Variants in CCDC102A observed in about 807,000 individuals in gnomAD.
CCDC102A encodes the protein coiled-coil domain-containing protein 102A.
CCDC102A carries 40 observed loss-of-function variants against 55.5 expected under a neutral mutation model. The ratio of observed to expected loss-of-function variants is 0.72; its 90% CI spans 0.56 to 0.94. The LOEUF (loss-of-function observed/expected upper bound fraction) is 0.94, where lower values mean the gene tolerates loss of function less well. Ranked by LOEUF, CCDC102A falls within the 40% of genes least tolerant of loss-of-function variation. The pLI, the probability that CCDC102A is intolerant of heterozygous loss-of-function variation, is 0.00. For synonymous variants in CCDC102A, 323 were observed against 339.0 expected (o/e 0.95, Z 0.52); for missense variants, 779 against 768.6 (o/e 1.01, Z -0.16).
In CCDC102A at chr16:57,518,229, G is replaced by A. The variant is rs201796906; in HGVS notation, c.1087C>T (p.Arg363Trp). The stretch of plus-strand genomic sequence containing the variant: ...AGGCCCAGTTTCTCTGTCTCCAGCC[G>A]CTCCCGGCGGCCCCACTCCGCAGCG... ...ENAAEWGRRERLETEKLGLER... is the reference protein window; with the variant it reads ...ENAAEWGRREWLETEKLGLER... Residue 363 changes from arginine to tryptophan, a missense_variant, in exon 6 of 9, where the codon CGG (arginine) becomes TGG (tryptophan). Transcript: ENST00000258214. 1.1e-4 allele frequency: 179 copies of A among 1,611,680 alleles called. No individual in the cohort carries two copies. Among genetic ancestry groups the A allele is most frequent in the Non-Finnish European group, 4.2e-5 (49 of 1,179,926 alleles).
chr16:57,518,890 C>T (rs191997711), intron 4 of CCDC102A, 149 bp from the exon 5 acceptor site: 23 of 625,830 alleles, frequency 3.7e-5, no homozygotes, highest in Non-Finnish European at 5.8e-5. Context: ...AAACAGACCT[C>T]GAATCTGACC....
At chr16:57,515,242 TC>T (rs2031932739) in intron 8 of CCDC102A, 98 bp downstream of exon 8, 4 of 770,644 alleles carry the variant, frequency 5.2e-6, no homozygotes, top group Non-Finnish European at 8.9e-6. Flanking sequence ...ATCTCTTCCT[TC>T]GTCTCCCCCT....
Position 57,529,158 on chromosome 16 carries a change from G to T in CCDC102A, c.20C>A (p.Pro7His). 5.1e-6 allele frequency: 6 copies of T among 1,184,832 alleles called. No individual in the cohort carries two copies. Among genetic ancestry groups the T allele is most frequent in the Non-Finnish European group, 5.2e-6 (5 of 957,260 alleles). The allele number at this position is 1,184,832 out of a possible 1,614,324, so 73.4% of individuals were successfully genotyped here. A position where few individuals can be genotyped will look rare whatever the true frequency, so the allele number is the denominator to read the frequency against. The change falls in exon 2 of 9, where the codon CCC becomes CAC. Residue 7 changes from proline to histidine, a missense_variant. Pro to His is a moderately conservative substitution (Grantham distance 77). Transcript: ENST00000258214. This position sits in a 1 kb window ranked among gnomAD's most constrained non-coding sequence, Gnocchi z 4.1. Reference sequence around the variant, plus strand: ...CAGCTGCGGGGACTCGGCCAGCCGGGGGCTGGGCCCGTGGCTCATGGTGCG... The same window carrying T: ...CAGCTGCGGGGACTCGGCCAGCCGGTGGCTGGGCCCGTGGCTCATGGTGCG... MSHGPS[P>H]RLAESPQLSK... is the part of the protein sequence containing the mutation.
intron 1 of CCDC102A, among the ~76,000 whole-genome samples, chr16:57,534,321 C>G (rs1470715300): frequency 1.3e-5 from 2 of 152,236 alleles, no homozygotes; most frequent in African/African-American, 4.8e-5. Flanking sequence ...CAGCTGTGCT[C>G]ACTGGTAGCT....
At chr16:57,519,684 C>T (rs2063292093) in intron 4 of CCDC102A, among the ~76,000 whole-genome samples, 1 of 152,226 alleles carries the variant, frequency 6.6e-6, no homozygotes, top group African/African-American at 2.4e-5. Flanking sequence ...GTTTCATTCG[C>T]TTTTCTTCGA....
In CCDC102A at chr16:57,515,441, C is replaced by T; in HGVS notation, c.1423G>A (p.Asp475Asn). The change falls in exon 8 of 9, where the codon GAC (aspartate) becomes AAC (asparagine). Residue 475 changes from aspartate to asparagine, a missense_variant. Coordinates refer to ENST00000258214, the MANE Select transcript of CCDC102A (RefSeq NM_033212.4). ...KELAQAEDEL[D>N]EAHNQARKLQ... Reference sequence around the variant, plus strand: ...TTACGTGCCTGGTTGTGGGCCTCGTCCAGCTGTGGGGGTGAGCAGGGCCGA... The same window carrying T: ...TTACGTGCCTGGTTGTGGGCCTCGTTCAGCTGTGGGGGTGAGCAGGGCCGA... 4 of 1,600,022 alleles carry T rather than the reference C, an allele frequency of 2.5e-6. No homozygotes were observed. Among genetic ancestry groups the T allele is most frequent in the Non-Finnish European group, 3.4e-6 (4 of 1,175,144 alleles).
In CCDC102A at chr16:57,512,578, T is replaced by G; in HGVS notation, c.*163A>C. 1.2e-5 allele frequency: 9 copies of G among 759,474 alleles called. No individual in the cohort carries two copies. Among genetic ancestry groups the G allele is most frequent in the Non-Finnish European group, 1.9e-5 (9 of 471,830 alleles). The allele number at this position is 759,474 out of a possible 1,614,324, so 47.0% of individuals were successfully genotyped here. A position where few individuals can be genotyped will look rare whatever the true frequency, so the allele number is the denominator to read the frequency against. On this transcript the variant is annotated 3_prime_UTR_variant, in exon 9 of 9. Transcript: ENST00000258214. Reference sequence around the variant, plus strand: ...ACATAGGCTTCCTTTCCACAGGGCGTTGGTAGGTGGGACTGTTGACGCCAT... The same window carrying G: ...ACATAGGCTTCCTTTCCACAGGGCGGTGGTAGGTGGGACTGTTGACGCCAT...
In CCDC102A at chr16:57,516,196, A is replaced by G; in HGVS notation, c.1419+97T>C. 1 of 1,276,840 alleles carries G rather than the reference A, an allele frequency of 7.8e-7. No homozygotes were observed. Among genetic ancestry groups the G allele is most frequent in the Non-Finnish European group, 1.1e-6 (1 of 918,112 alleles). 79.1% of individuals were successfully genotyped at this position (1,276,840 alleles called of 1,614,324 possible). A position where few individuals can be genotyped will look rare whatever the true frequency, so the allele number is the denominator to read the frequency against. On this transcript the variant is annotated intron_variant, in intron 7 of 8. Coordinates refer to ENST00000258214, the MANE Select transcript of CCDC102A (RefSeq NM_033212.4). The surrounding 1 kb of genome is among the most constrained non-coding windows in gnomAD (Gnocchi z 4.4). ...CCTGAGAGACAGGCTTGTGCCAGGC[A>G]CCAGGGGCTGAGAATGGAGAAGCCA...
At chr16:57,520,612 A>AAAAT (rs1477584689) in intron 4 of CCDC102A, among the ~76,000 whole-genome samples, 8,127 of 133,752 alleles carry the variant, frequency 0.061, 305 homozygotes, top group Middle Eastern at 0.12. Context: ...TAAAATAAAT[A>AAAAT]AAATAAAATA....
intron 8 of CCDC102A, among the ~76,000 whole-genome samples, chr16:57,514,488 C>A (rs1598069232): frequency 6.6e-6 from 1 of 152,194 alleles, no homozygotes; most frequent in Non-Finnish European, 1.5e-5. Flanking sequence ...GTGTGAGCTA[C>A]CATGCCTCCA....
Position 57,522,108 on chromosome 16 carries a change from G to C in CCDC102A, c.813-932C>G, listed in dbSNP as rs549881985. Among the ~76,000 whole-genome samples the C allele has an allele frequency of 3.3e-5, 5 of 152,348 alleles. No individual in the cohort carries two copies. The East Asian group carries it at 9.6e-4, about 29-fold the overall frequency. On this transcript the variant is annotated intron_variant, in intron 3 of 8. Coordinates refer to ENST00000258214, the MANE Select transcript of CCDC102A (RefSeq NM_033212.4). ...TGCACAGCCCACTGGACATTGCTCG[G>C]GGTAGAGATGATCTGAGCCTACAGC...
Position 57,516,516 on chromosome 16 carries a change from G to A in CCDC102A, c.1249-53C>T. ...GGAGGAGGGAATCAGTATCAGCTTG[G>A]GCGCCATGCCAGGGAGTCCCACGAG... is the stretch of plus-strand genomic sequence containing the variant. On this transcript the variant is annotated intron_variant, in intron 6 of 8. Coordinates refer to ENST00000258214, the MANE Select transcript of CCDC102A (RefSeq NM_033212.4). The surrounding 1 kb of genome is among the most constrained non-coding windows in gnomAD (Gnocchi z 4.4). The A allele has an allele frequency of 1.3e-6, 2 of 1,539,062 alleles. No homozygotes were observed. The highest frequency in any genetic ancestry group is 1.8e-6 in the Non-Finnish European group (2 of 1,128,780).
intron 1 of CCDC102A, among the ~76,000 whole-genome samples, chr16:57,534,615 C>T (rs555872313): frequency 2.6e-5 from 4 of 152,242 alleles, no homozygotes; most frequent in African/African-American, 9.6e-5. Flanking sequence ...AGTCCACGAG[C>T]GAGGGCATCA....
chr16:57,526,278 G>A lies in CCDC102A; in HGVS notation c.586-151C>T, dbSNP rs551251750. Reference sequence around the variant, plus strand: ...GCCTGCCTCTCCATCTCTGGAGAAGGAAGACACACCCTGCTCTGGGCCTCC... The same window carrying A: ...GCCTGCCTCTCCATCTCTGGAGAAGAAAGACACACCCTGCTCTGGGCCTCC... On this transcript the variant is annotated intron_variant, in intron 2 of 8. Coordinates refer to ENST00000258214, the MANE Select transcript of CCDC102A (RefSeq NM_033212.4). 4.5e-4 allele frequency: 279 copies of A among 614,130 alleles called. 1 individual carries two copies. Among genetic ancestry groups the A allele is most frequent in the Middle Eastern group, 2.1e-3 (5 of 2,394 alleles). 38.0% of individuals were successfully genotyped at this position (614,130 alleles called of 1,614,324 possible). A position where few individuals can be genotyped will look rare whatever the true frequency, so the allele number is the denominator to read the frequency against.
Position 57,528,985 on chromosome 16 carries a change from C to A in CCDC102A, c.193G>T (p.Ala65Ser). ...TCGCGGCTCTCCCAGTCGCCGTCGG[C>A]CAGCAGCGCGGGCGCGGGGGGCAGG... The part of the protein sequence containing the change: ...LPLPPAPALL[A>S]DGDWESREEL... The change falls in exon 2 of 9, where the codon GCC becomes TCC. Residue 65 changes from alanine (A) to serine (S), a missense_variant. Ala to Ser is a moderately conservative substitution (Grantham distance 99, BLOSUM62 1). Coordinates refer to ENST00000258214, the MANE Select transcript of CCDC102A (RefSeq NM_033212.4). 8.2e-7 allele frequency: 1 copy of A among 1,212,434 alleles called. No homozygotes were observed. Among genetic ancestry groups the A allele is most frequent in the East Asian group, 4.6e-5 (1 of 21,812 alleles). The allele number at this position is 1,212,434 out of a possible 1,614,324, so 75.1% of individuals were successfully genotyped here.
At position 57,521,437 on chromosome 16, in the gene CCDC102A, C is replaced by A. The variant is rs1194344535; in HGVS notation, c.813-261G>T. On this transcript the variant is annotated intron_variant, in intron 3 of 8. Coordinates refer to ENST00000258214, the MANE Select transcript of CCDC102A (RefSeq NM_033212.4). ...CGGGGTTCCAGAGCACTGAGCATCC[C>A]CGGGCAAGTACCTCTCTCCTGCTGC... is the stretch of plus-strand genomic sequence containing the variant. Among the ~76,000 whole-genome samples, 25 of 152,198 alleles carry A rather than the reference C, an allele frequency of 1.6e-4. 1 individual carries two copies. The highest frequency in any genetic ancestry group is 1.3e-4 in the Non-Finnish European group (9 of 68,040).
chr16:57,518,441 A>G (rs1464853696), intron 5 of CCDC102A, among the ~76,000 whole-genome samples, 164 bp from the exon 6 acceptor site: 1 of 152,196 alleles, frequency 6.6e-6, no homozygotes, highest in Non-Finnish European at 1.5e-5. Flanking sequence ...ACAGGATGTG[A>G]GGGCGCTTCT....
chr16:57,534,385 C>G (rs1388984119), intron 1 of CCDC102A, among the ~76,000 whole-genome samples: 2 of 152,188 alleles, frequency 1.3e-5, no homozygotes. Flanking sequence ...GCAGGCTAGG[C>G]CCTCATCAGC....
At position 57,526,425 on chromosome 16, in the gene CCDC102A, G is replaced by A. The variant is rs1324542068; in HGVS notation, c.586-298C>T. On this transcript the variant is annotated intron_variant, in intron 2 of 8. Coordinates refer to ENST00000258214, the MANE Select transcript of CCDC102A (RefSeq NM_033212.4). ...GTATGCAAACCTACGGCGGGGCACC[G>A]ATGGGAACAAATGTTGAAGCAGGAA... is the stretch of plus-strand genomic sequence containing the variant. Among the ~76,000 whole-genome samples, 7 of 152,302 alleles carry A rather than the reference G, an allele frequency of 4.6e-5. No individual in the cohort carries two copies. In the East Asian group the frequency reaches 7.7e-4, roughly 17 times the overall value.
Sources: allele counts gnomAD v4.1 joint callset (sites outside exome capture counted in the v4.1 genomes callset), GRCh38; gene constraint gnomAD v4.1.1; non-coding constraint Gnocchi (gnomAD v3.1); transcripts MANE v1.5; gene names NCBI Gene and HGNC (gene_info 2026-07-23, HGNC 2026-07-21).